The following RABGAP1L variants were observed in gnomAD, a reference collection of about 807,000 sequenced individuals.
RABGAP1L encodes rab GTPase-activating protein 1-like.
RABGAP1L carries 63 observed loss-of-function variants against 137.7 expected under a neutral mutation model. The observed-to-expected ratio is 0.46, with a 90% CI of 0.37 to 0.56. The LOEUF (loss-of-function observed/expected upper bound fraction) is 0.56, where lower values mean the gene tolerates loss of function less well. RABGAP1L is among the 20% of genes least tolerant of loss of function. The pLI is 0.00. For synonymous variants in RABGAP1L, 431 were observed against 433.7 expected (o/e 0.99, Z 0.08); for missense variants, 1,095 against 1,244.0 (o/e 0.88, Z 1.80).
chr1:174,941,676 C>G (rs1336316733), intron 19 of RABGAP1L, among the ~76,000 whole-genome samples: 1 of 135,154 alleles, frequency 7.4e-6, no homozygotes, highest in Non-Finnish European at 1.5e-5. Context: ...TCCTCCTCCC[C>G]CACCAAAACG....
rs182317384 is a variant in RABGAP1L at position 174,830,453 on chromosome 1, T to G, written c.2340+18493T>G. 7.8e-4 allele frequency among the ~76,000 whole-genome samples: 113 copies of G among 145,346 alleles called. 13 individuals are homozygous for G. Among genetic ancestry groups the G allele is most frequent in the Non-Finnish European group, 9.6e-4 (63 of 65,670 alleles). ...AATAATTTCCTTTTATATAATTTGG[T>G]TTTTTTTTGCCATGAGGTGTTATTT... On this transcript the variant is annotated intron_variant, in intron 19 of 25. Coordinates refer to ENST00000681986, the MANE Select transcript of RABGAP1L (RefSeq NM_001366446.1).
chr1:174,354,920 C>G (rs1452989822), intron 11 of RABGAP1L, among the ~76,000 whole-genome samples: 2 of 152,160 alleles, frequency 1.3e-5, no homozygotes, highest in Non-Finnish European at 2.9e-5. Flanking sequence ...AATAGGGACT[C>G]CTTTCCTCAT....
At chr1:174,654,187 C>G (rs1311122795) in intron 14 of RABGAP1L, among the ~76,000 whole-genome samples, 1 of 152,210 alleles carries the variant, frequency 6.6e-6, no homozygotes, top group East Asian at 1.9e-4. Flanking sequence ...GCTGGCCCAC[C>G]TTAATATTCC....
chr1:174,263,123 C>T (rs973986371), intron 7 of RABGAP1L, among the ~76,000 whole-genome samples: 2 of 152,242 alleles, frequency 1.3e-5, no homozygotes, highest in Non-Finnish European at 2.9e-5. Flanking sequence ...CCTCGTACCA[C>T]CCTGCCAGTG....
intron 10 of RABGAP1L, among the ~76,000 whole-genome samples, chr1:174,291,409 G>C (rs1676594727): frequency 6.6e-6 from 1 of 151,712 alleles, no homozygotes; most frequent in Non-Finnish European, 1.5e-5. Flanking sequence ...ATGAGACATT[G>C]GTTTATAGTT....
intron 11 of RABGAP1L, among the ~76,000 whole-genome samples, chr1:174,311,797 G>C (rs2148797025): frequency 6.6e-6 from 1 of 152,254 alleles, no homozygotes; most frequent in Non-Finnish European, 1.5e-5. Flanking sequence ...AGTAGAGACA[G>C]GGTTTCGCCG....
intron 13 of RABGAP1L, among the ~76,000 whole-genome samples, chr1:174,506,846 C>T (rs1335076227): frequency 1.3e-5 from 2 of 152,140 alleles, no homozygotes; most frequent in African/African-American, 2.4e-5. Flanking sequence ...AAAAAACTCA[C>T]ACCTGTAATC....
intron 19 of RABGAP1L, among the ~76,000 whole-genome samples, chr1:174,812,373 A>G (rs2148859685): frequency 6.6e-6 from 1 of 152,354 alleles, no homozygotes; most frequent in East Asian, 1.9e-4. Flanking sequence ...TGATCTGCCC[A>G]TTCCCATCCC....
intron 19 of RABGAP1L, among the ~76,000 whole-genome samples, chr1:174,951,705 G>A (rs928373930): frequency 3.9e-5 from 6 of 152,084 alleles, no homozygotes; most frequent in Admixed American, 2.6e-4. Context: ...AGGTTTGTAG[G>A]CATCCTGTTT....
At chr1:174,763,530 A>C (rs557433834) in intron 18 of RABGAP1L, among the ~76,000 whole-genome samples, 2 of 151,444 alleles carry the variant, frequency 1.3e-5, no homozygotes, top group Admixed American at 1.3e-4. Flanking sequence ...GGGCGCCTGT[A>C]GTCCCAGCTA....
At chr1:174,660,548 G>A (rs1281350144) in intron 14 of RABGAP1L, among the ~76,000 whole-genome samples, 1 of 152,160 alleles carries the variant, frequency 6.6e-6, no homozygotes, top group Non-Finnish European at 1.5e-5. Context: ...TGGTCACCTT[G>A]CTTCCAGTGG....
chr1:174,890,141 C>T (rs368694008), intron 19 of RABGAP1L, among the ~76,000 whole-genome samples: 2 of 152,208 alleles, frequency 1.3e-5, no homozygotes, highest in African/African-American at 2.4e-5. Flanking sequence ...ATACCTCCTA[C>T]GTGCATAGCA....
chr1:174,406,471 T>C (rs1438880144), intron 13 of RABGAP1L, among the ~76,000 whole-genome samples: 1 of 152,220 alleles, frequency 6.6e-6, no homozygotes, highest in Non-Finnish European at 1.5e-5. Flanking sequence ...GAGGTTATTG[T>C]TGAGCATAGA....
At chr1:174,427,614 G>C (rs1652116011) in intron 13 of RABGAP1L, among the ~76,000 whole-genome samples, 1 of 152,006 alleles carries the variant, frequency 6.6e-6, no homozygotes, top group Non-Finnish European at 1.5e-5. Flanking sequence ...TATTCCCCTA[G>C]ATAGAATGAT....
At chr1:174,582,259 C>A (rs1247609418) in intron 13 of RABGAP1L, among the ~76,000 whole-genome samples, 2 of 151,978 alleles carry the variant, frequency 1.3e-5, no homozygotes, top group Non-Finnish European at 2.9e-5. Context: ...GCACTCCAGC[C>A]TGGGCAACAG....
intron 14 of RABGAP1L, among the ~76,000 whole-genome samples, chr1:174,639,559 G>C (rs866324079): frequency 6.6e-6 from 1 of 151,904 alleles, no homozygotes; most frequent in African/African-American, 2.4e-5. Context: ...TTTTCCCCTA[G>C]CATATAGTAT....
chr1:174,755,811 T>C (rs1222489769), intron 18 of RABGAP1L, among the ~76,000 whole-genome samples: 1 of 152,202 alleles, frequency 6.6e-6, no homozygotes, highest in Non-Finnish European at 1.5e-5. Context: ...TTTATTTTCT[T>C]TCAAAAAATG....
chr1:174,890,974 A>G (rs974916272), intron 19 of RABGAP1L, among the ~76,000 whole-genome samples: 1 of 152,232 alleles, frequency 6.6e-6, no homozygotes, highest in African/African-American at 2.4e-5. Context: ...GTGTGTGAGT[A>G]TATCTGTAGA....
chr1:174,760,681 A>C (rs182114778), intron 18 of RABGAP1L, among the ~76,000 whole-genome samples: 1 of 152,222 alleles, frequency 6.6e-6, no homozygotes, highest in African/African-American at 2.4e-5. Flanking sequence ...CTTTGGGCAT[A>C]TACAAAGTAA....
Sources: allele counts gnomAD v4.1 joint callset (sites outside exome capture counted in the v4.1 genomes callset), GRCh38; gene constraint gnomAD v4.1.1; transcripts MANE v1.5; gene names NCBI Gene and HGNC (gene_info 2026-07-23, HGNC 2026-07-21).